The following COL23A1 variants were observed in gnomAD, a reference collection of about 807,000 sequenced individuals.
The protein encoded by COL23A1 is collagen alpha-1(XXIII) chain.
In COL23A1, 97 loss-of-function variants were observed where a neutral mutation model predicts 99.3. The ratio of observed to expected loss-of-function variants is 0.98; its 90% CI spans 0.83 to 1.16. COL23A1 has a LOEUF of 1.16. Ranked by LOEUF, COL23A1 falls within the 50% of genes most tolerant of loss-of-function variation. The probability of loss-of-function intolerance (pLI) is 0.00; values close to 1 mark genes in which losing one functional copy is unlikely to be tolerated. For missense variants in COL23A1, 762 were observed against 757.4 expected (o/e 1.01, Z -0.07); for synonymous variants, 320 against 308.2 (o/e 1.04, Z -0.40).
chr5:178,262,026 T>C (rs1561801929), intron 10 of COL23A1, among the ~76,000 whole-genome samples, 191 bp downstream of exon 10: 2 of 152,126 alleles, frequency 1.3e-5, no homozygotes, highest in Non-Finnish European at 2.9e-5. Context: ...CACCCAGCCA[T>C]TTCCCCAGGG....
At chr5:178,419,932 C>G (rs1224082483) in intron 2 of COL23A1, among the ~76,000 whole-genome samples, 1 of 152,202 alleles carries the variant, frequency 6.6e-6, no homozygotes, top group Non-Finnish European at 1.5e-5. Context: ...TCACTTTACC[C>G]TTTTTGTCTA....
chr5:178,509,494 T>C (rs1759078935), intron 2 of COL23A1, among the ~76,000 whole-genome samples: 1 of 152,150 alleles, frequency 6.6e-6, no homozygotes, highest in South Asian at 2.1e-4. Context: ...GTGCTGGGAT[T>C]ACAGGCGTGA....
Position 178,434,394 on chromosome 5 carries a change from G to A in COL23A1, c.361+126288C>T, listed in dbSNP as rs1012269394. 1.7e-4 allele frequency among the ~76,000 whole-genome samples: 26 copies of A among 152,236 alleles called. No individual in the cohort carries two copies. The highest frequency in any genetic ancestry group is 5.5e-4 in the African/African-American group (23 of 41,468). ...CACCAGGACAGCGCCCCTGCAGCACGGTGGCCTCGGGCAAAATGCCTGGAC... is the reference window on the plus strand; with the variant it reads ...CACCAGGACAGCGCCCCTGCAGCACAGTGGCCTCGGGCAAAATGCCTGGAC... On this transcript the variant is annotated intron_variant, in intron 2 of 28. Transcript: ENST00000390654. The surrounding 1 kb of genome is among the most constrained non-coding windows in gnomAD (Gnocchi z 4.3).
intron 2 of COL23A1, among the ~76,000 whole-genome samples, chr5:178,356,004 C>T (rs1761628401): frequency 6.6e-6 from 1 of 152,168 alleles, no homozygotes; most frequent in Admixed American, 6.5e-5. Flanking sequence ...TTTCTATTTC[C>T]TGATATGGGA....
chr5:178,275,407 C>T (rs1463077261), intron 5 of COL23A1, among the ~76,000 whole-genome samples: 1 of 152,230 alleles, frequency 6.6e-6, no homozygotes, highest in Non-Finnish European at 1.5e-5. Context: ...TTTGCTCTCT[C>T]CCTCCCTCGG....
At chr5:178,371,892 T>G (rs1212363339) in intron 2 of COL23A1, among the ~76,000 whole-genome samples, 1 of 152,238 alleles carries the variant, frequency 6.6e-6, no homozygotes, top group Non-Finnish European at 1.5e-5. Context: ...CTGACTCAGC[T>G]TGAACTACAG....
rs190558446 is a variant in COL23A1, at chr5:178,327,222, C to T, written c.362-20303G>A. Among the ~76,000 whole-genome samples, 24 of 152,324 alleles carry T rather than the reference C, an allele frequency of 1.6e-4. No homozygotes were observed. In the East Asian group the frequency reaches 4.6e-3, roughly 29 times the overall value. Reference sequence around the variant, plus strand: ...TACTGGGATACTTCGGTGAGTGCATCCCAGTTCCTGCCCTTGAGTAGCTCA... The same window carrying T: ...TACTGGGATACTTCGGTGAGTGCATTCCAGTTCCTGCCCTTGAGTAGCTCA... On this transcript the variant is annotated intron_variant, in intron 2 of 28. Transcript: ENST00000390654.
intron 2 of COL23A1, among the ~76,000 whole-genome samples, chr5:178,477,031 A>G (rs887842756): frequency 3.9e-5 from 6 of 152,128 alleles, no homozygotes; most frequent in African/African-American, 1.4e-4. Context: ...GCCCATCCCT[A>G]TAGTAGGGTT....
chr5:178,288,142 C>T (rs766621345), intron 5 of COL23A1, among the ~76,000 whole-genome samples, 182 bp downstream of exon 5: 1 of 152,158 alleles, frequency 6.6e-6, no homozygotes, highest in Non-Finnish European at 1.5e-5. Flanking sequence ...TCCAGGGCAG[C>T]CCTGGAGATC....
At chr5:178,522,072 T>G (rs769076944) in intron 2 of COL23A1, among the ~76,000 whole-genome samples, 18 of 152,162 alleles carry the variant, frequency 1.2e-4, no homozygotes, top group Non-Finnish European at 4.4e-5. Context: ...AATAAGGTCT[T>G]AGCAAAGGAA....
chr5:178,283,344 T>C (rs1756997435), intron 5 of COL23A1, among the ~76,000 whole-genome samples: 2 of 152,176 alleles, frequency 1.3e-5, no homozygotes, highest in African/African-American at 2.4e-5. Flanking sequence ...ACCTTGAGTG[T>C]ACCTGAACAC....
intron 1 of COL23A1, among the ~76,000 whole-genome samples, chr5:178,579,363 TG>T (rs1192077479): frequency 1.3e-5 from 2 of 152,212 alleles, no homozygotes; most frequent in Admixed American, 6.5e-5. Context: ...ATGGGCAAAC[TG>T]AGGTTTGGAA....
intron 1 of COL23A1, among the ~76,000 whole-genome samples, chr5:178,577,545 C>A (rs964496776): frequency 3.9e-5 from 6 of 152,180 alleles, no homozygotes; most frequent in African/African-American, 1.4e-4. Context: ...TTCAGCAGGG[C>A]CTGGCGCGCG....
rs2910130 is a variant in COL23A1 at position 178,402,351 on chromosome 5, T to C, written c.362-95432A>G. ...AAAAACAGAGACACAGAAAAACATA[T>C]TTGGAGCCAAAAAAAGTAGCTCTCA... On this transcript the variant is annotated intron_variant, in intron 2 of 28. Coordinates refer to ENST00000390654, the MANE Select transcript of COL23A1 (RefSeq NM_173465.4). 6.9e-3 allele frequency among the ~76,000 whole-genome samples: 1,051 copies of C among 152,060 alleles called. 9 individuals carry two copies. Among genetic ancestry groups the C allele is most frequent in the African/African-American group, 0.024 (994 of 41,454 alleles).
intron 10 of COL23A1, 23 bp from the exon 11 acceptor site, chr5:178,261,771 G>C: frequency 6.3e-7 from 1 of 1,586,820 alleles, no homozygotes; most frequent in Non-Finnish European, 8.7e-7. Context: ...AAGAGAAGGT[G>C]TTAAATGTCA....
chr5:178,470,033 G>A (rs1450415637), intron 2 of COL23A1, among the ~76,000 whole-genome samples: 2 of 152,188 alleles, frequency 1.3e-5, no homozygotes, highest in East Asian at 3.9e-4. Flanking sequence ...AGCTAAATCA[G>A]TCCCTTTAAA....
chr5:178,479,420 T>A (rs554606761), intron 2 of COL23A1, among the ~76,000 whole-genome samples: 1 of 152,186 alleles, frequency 6.6e-6, no homozygotes, highest in African/African-American at 2.4e-5. Flanking sequence ...GCTTCTCTTA[T>A]CACCTGCCAT....
At chr5:178,493,578 A>G (rs1400484392) in intron 2 of COL23A1, among the ~76,000 whole-genome samples, 3 of 152,350 alleles carry the variant, frequency 2.0e-5, no homozygotes, top group South Asian at 2.1e-4. Context: ...TCTGAAGACC[A>G]GCCCTCAAGT....
chr5:178,548,553 CTTTTTT>C (rs3065159), intron 2 of COL23A1, among the ~76,000 whole-genome samples: 2 of 124,580 alleles, frequency 1.6e-5, no homozygotes, highest in Non-Finnish European at 1.7e-5. Context: ...TTTGCCTATT[CTTTTTT>C]TTTTTTTTTT....
Sources: allele counts gnomAD v4.1 joint callset (sites outside exome capture counted in the v4.1 genomes callset), GRCh38; gene constraint gnomAD v4.1.1; non-coding constraint Gnocchi (gnomAD v3.1); transcripts MANE v1.5; gene names NCBI Gene and HGNC (gene_info 2026-07-23, HGNC 2026-07-21).